Variants in CALB2 observed in about 807,000 individuals in gnomAD.
The protein encoded by CALB2 is calbindin 2, also known as calretinin.
Under a neutral mutation model 45.9 loss-of-function variants are expected in CALB2, and 34 were observed. That is an observed-to-expected ratio of 0.74 (90% CI 0.56 to 0.99). The LOEUF is 0.99. Among genes scored for constraint, CALB2 ranks in the 50% least tolerant of loss-of-function variants. CALB2 has a pLI of 0.00. For missense variants in CALB2, 344 were observed against 339.3 expected (o/e 1.01, Z -0.11); for synonymous variants, 142 against 129.6 (o/e 1.10, Z -0.65).
At chr16:71,385,533 GC>G in intron 9 of CALB2, 43 bp from the exon 10 acceptor site, 6 of 1,572,312 alleles carry the variant, frequency 3.8e-6, no homozygotes, top group Non-Finnish European at 5.3e-6. Flanking sequence ...GACAGCAGGG[GC>G]CCAGGCTTTA....
At chr16:71,382,618 T>C (rs1389383510) in intron 4 of CALB2, 101 bp from the exon 5 acceptor site, 1 of 1,102,630 alleles carries the variant, frequency 9.1e-7, no homozygotes, top group East Asian at 2.4e-5. Flanking sequence ...CCGATATTCT[T>C]GAAGATCAAG....
rs1283884110 is a variant in CALB2, at chr16:71,382,766, T to A, written c.390T>A (p.Asn130Lys). The change falls in exon 5 of 11, where the codon AAT becomes AAA. Residue 130 changes from asparagine to lysine, a missense_variant. Asn to Lys is a moderately conservative substitution (Grantham distance 94). This residue lies in a region of CALB2 where 263 missense variants were observed against 241.7 expected (regional missense o/e 1.09). Coordinates refer to ENST00000302628, the MANE Select transcript of CALB2 (RefSeq NM_001740.5). The stretch of plus-strand genomic sequence containing the variant: ...ACAGGAGTGGCTACATCGAAGCCAA[T>A]GAGCTCAAGGTAGGATGGGCCTTGG... ...DTDRSGYIEA[N>K]ELKGFLSDLL... is the part of the protein sequence containing the mutation. 1.4e-5 allele frequency: 22 copies of A among 1,611,430 alleles called. No individual in the cohort carries two copies. Among genetic ancestry groups the A allele is most frequent in the Non-Finnish European group, 1.9e-5 (22 of 1,178,866 alleles).
intron 1 of CALB2, 90 bp downstream of exon 1, chr16:71,358,976 T>A: frequency 8.7e-7 from 1 of 1,155,316 alleles, no homozygotes; most frequent in Non-Finnish European, 1.3e-6. Flanking sequence ...CGGGCAGGTG[T>A]ACGTTTGCCC....
chr16:71,366,696 T>C (rs1437590549), intron 1 of CALB2, among the ~76,000 whole-genome samples: 2 of 152,250 alleles, frequency 1.3e-5, no homozygotes, highest in East Asian at 3.9e-4. Context: ...TTTTCATCTA[T>C]AAATTGATTT....
chr16:71,377,979 T>C (rs2042437718), intron 4 of CALB2, among the ~76,000 whole-genome samples: 1 of 152,152 alleles, frequency 6.6e-6, no homozygotes, highest in African/African-American at 2.4e-5. Flanking sequence ...CCCCAGCACT[T>C]TGGGAGGCCG....
At chr16:71,373,520 C>A (rs1375771260) in intron 2 of CALB2, among the ~76,000 whole-genome samples, 1 of 152,228 alleles carries the variant, frequency 6.6e-6, no homozygotes, top group Non-Finnish European at 1.5e-5. Flanking sequence ...ATCTAGAATC[C>A]TTCTCTTAGT....
At chr16:71,383,331 G>A (rs773593097) in intron 5 of CALB2, 36 bp from the exon 6 acceptor site, 50 of 1,587,920 alleles carry the variant, frequency 3.1e-5, no homozygotes, top group Non-Finnish European at 6.0e-6. Flanking sequence ...CCGAATGCAC[G>A]AGTCAGGAGT....
chr16:71,383,726 C>T (rs1253662315), intron 6 of CALB2, among the ~76,000 whole-genome samples: 1 of 152,116 alleles, frequency 6.6e-6, no homozygotes, highest in Non-Finnish European at 1.5e-5. Context: ...TTAGTGCCGG[C>T]CTGCTGTGCC....
At chr16:71,368,008 G>A (rs2042307175) in intron 1 of CALB2, among the ~76,000 whole-genome samples, 1 of 152,060 alleles carries the variant, frequency 6.6e-6, no homozygotes, top group Admixed American at 6.5e-5. Context: ...GGTCTTCCCT[G>A]CTCATCCTTT....
rs760476782 is a variant in CALB2 at position 71,372,190 on chromosome 16, T to C, written c.132T>C (p.Phe44=). The C allele has an allele frequency of 7.4e-6, 12 of 1,613,104 alleles. No individual in the cohort carries two copies. In the Admixed American group the frequency reaches 1.7e-4, roughly 22 times the overall value. Residue 44 remains phenylalanine, a synonymous_variant, in exon 2 of 11, where the codon TTT becomes TTC. Transcript: ENST00000302628. ...GYIEGKELEN[F]FQELEKARKG... ...TTGAAGGTAAAGAGCTAGAAAACTT[T>C]TTCCAAGAGCTGGAGAAGGCAAGGA...
intron 7 of CALB2, 52 bp from the exon 8 acceptor site, chr16:71,384,287 T>G: frequency 6.7e-7 from 1 of 1,482,100 alleles, no homozygotes; most frequent in African/African-American, 1.4e-5. Context: ...CCTCTCCCGC[T>G]TGCCCTTGCC....
intron 2 of CALB2, among the ~76,000 whole-genome samples, chr16:71,374,426 A>T (rs2042387193): frequency 6.6e-6 from 1 of 152,214 alleles, no homozygotes; most frequent in Non-Finnish European, 1.5e-5. Flanking sequence ...CATCTGAGTG[A>T]TGGGAACAAG....
At chr16:71,387,585 A>C (rs1209161974) in intron 10 of CALB2, among the ~76,000 whole-genome samples, 1 of 151,698 alleles carries the variant, frequency 6.6e-6, no homozygotes, top group African/African-American at 2.4e-5. Context: ...GGCTGATGGG[A>C]TTGAACTTCA....
At position 71,383,349 on chromosome 16, in the gene CALB2, A is replaced by G. The variant is rs368881886; in HGVS notation, c.400-18A>G. On this transcript the variant is annotated intron_variant, in intron 5 of 10. Transcript: ENST00000302628. ...AATGCACGAGTCAGGAGTACTAAAG[A>G]GGCCTTTTGTGTTGCAGGGATTCCT... 1.2e-6 allele frequency: 2 copies of G among 1,610,736 alleles called. No individual in the cohort carries two copies. Among genetic ancestry groups the G allele is most frequent in the Non-Finnish European group, 1.7e-6 (2 of 1,177,112 alleles).
At chr16:71,376,966 T>C (rs1171478347) in intron 3 of CALB2, among the ~76,000 whole-genome samples, 3 of 152,164 alleles carry the variant, frequency 2.0e-5, no homozygotes, top group Non-Finnish European at 4.4e-5. Flanking sequence ...TGGGCAAAAC[T>C]GGGTCACGTG....
intron 10 of CALB2, among the ~76,000 whole-genome samples, chr16:71,388,334 CAAAAAAAA>C (rs71153632): frequency 1.3e-3 from 131 of 103,396 alleles, no homozygotes; most frequent in African/African-American, 5.6e-3. Flanking sequence ...GACCTTATCT[CAAAAAAAA>C]AAAAAAAAAG....
chr16:71,389,710 C>A, intron 10 of CALB2, 39 bp from the exon 11 acceptor site: 1 of 1,471,750 alleles, frequency 6.8e-7, no homozygotes, highest in Non-Finnish European at 9.5e-7. Flanking sequence ...TCGGGACCAT[C>A]CCCTGAACCT....
chr16:71,387,387 T>C (rs1346700335), intron 10 of CALB2, among the ~76,000 whole-genome samples: 7 of 151,998 alleles, frequency 4.6e-5, no homozygotes, highest in East Asian at 1.9e-4. Flanking sequence ...CGCCTGAGGA[T>C]TGAGAGAGTG....
chr16:71,388,280 G>A (rs2042592451), intron 10 of CALB2, among the ~76,000 whole-genome samples: 1 of 145,896 alleles, frequency 6.9e-6, no homozygotes, highest in Non-Finnish European at 1.5e-5. Flanking sequence ...GGTGCAGTGA[G>A]CTGTGATCAC....
Sources: allele counts gnomAD v4.1 joint callset (sites outside exome capture counted in the v4.1 genomes callset), GRCh38; gene constraint gnomAD v4.1.1; regional missense constraint gnomAD v4.1.1; transcripts MANE v1.5; gene names NCBI Gene and HGNC (gene_info 2026-07-23, HGNC 2026-07-21).